AIF1L: variants seen among roughly 807,000 people sequenced by gnomAD.
AIF1L encodes the protein allograft inflammatory factor 1 like.
Under a neutral mutation model 20.7 loss-of-function variants are expected in AIF1L, and 12 were observed. That is an observed-to-expected ratio of 0.58 (90% CI 0.37 to 0.94). The LOEUF is 0.94. Ranked by LOEUF, AIF1L falls within the 40% of genes least tolerant of loss-of-function variation. The pLI is 0.01. For synonymous variants in AIF1L, 76 were observed against 65.1 expected (o/e 1.17, Z -0.81); for missense variants, 173 against 185.3 (o/e 0.93, Z 0.39).
intron 2 of AIF1L, among the ~76,000 whole-genome samples, chr9:131,100,999 G>T (rs778789444): frequency 3.3e-5 from 5 of 152,092 alleles, no homozygotes; most frequent in Non-Finnish European, 5.9e-5. Context: ...CTAAGTTTAC[G>T]CGATTCTTCT....
At chr9:131,113,194 T>C (rs554119275) in intron 3 of AIF1L, among the ~76,000 whole-genome samples, 6 of 150,646 alleles carry the variant, frequency 4.0e-5, no homozygotes, top group African/African-American at 1.5e-4. Context: ...GGGGAGGGGG[T>C]GCAATTTTGA....
chr9:131,117,193 G>C (rs1028031531), intron 4 of AIF1L, among the ~76,000 whole-genome samples: 3 of 152,198 alleles, frequency 2.0e-5, no homozygotes, highest in Non-Finnish European at 4.4e-5. Flanking sequence ...CTCCCTTCCA[G>C]CCGGGGCAGA....
Position 131,121,259 on chromosome 9 carries a change from C to T in AIF1L, c.*937C>T, listed in dbSNP as rs1831132145. ...ACCTGACTCTGCTTCTCTCATTTGTCTTCCTACCCTACTCACATAATTCAC... is the reference window on the plus strand; with the variant it reads ...ACCTGACTCTGCTTCTCTCATTTGTTTTCCTACCCTACTCACATAATTCAC... On this transcript the variant is annotated 3_prime_UTR_variant, in exon 6 of 6. Transcript: ENST00000247291. 1.6e-6 allele frequency: 1 copy of T among 614,010 alleles called. No individual in the cohort carries two copies. The highest frequency in any genetic ancestry group is 2.1e-5 in the South Asian group (1 of 47,738). The allele number at this position is 614,010 out of a possible 1,614,324, so 38.0% of individuals were successfully genotyped here. A position where few individuals can be genotyped will look rare whatever the true frequency, so the allele number is the denominator to read the frequency against.
chr9:131,123,078 T>C lies in AIF1L; in HGVS notation c.*2756T>C, dbSNP rs1331473204. 6.6e-6 allele frequency: 1 copy of C among 152,442 alleles called. No homozygotes were observed. The highest frequency in any genetic ancestry group is 1.5e-5 in the Non-Finnish European group (1 of 68,116). The allele number at this position is 152,442 out of a possible 1,614,324, so 9.4% of individuals were successfully genotyped here. A position where few individuals can be genotyped will look rare whatever the true frequency, so the allele number is the denominator to read the frequency against. ...CAGGTGGATGAAGTATGTGTGTGCG[T>C]GTGCATGGGAGTGTGCGTGGACTGG... On this transcript the variant is annotated 3_prime_UTR_variant, in exon 6 of 6. Coordinates refer to ENST00000247291, the MANE Select transcript of AIF1L (RefSeq NM_031426.4).
rs759755280 is a variant in AIF1L at position 131,117,921 on chromosome 9, G to A, written c.365+3G>A. On this transcript the variant is annotated splice_donor_region_variant and intron_variant, in intron 5 of 5. Coordinates refer to ENST00000247291, the MANE Select transcript of AIF1L (RefSeq NM_031426.4). ...AAACGGTCGGCTGTCCTCAAGTTGT[G>A]AGTACCTCCTTCCTCCCTTGGGATC... is the stretch of plus-strand genomic sequence containing the variant. The A allele has an allele frequency of 6.2e-7, 1 of 1,606,588 alleles. No individual in the cohort carries two copies. The highest frequency in any genetic ancestry group is 8.5e-7 in the Non-Finnish European group (1 of 1,176,050).
chr9:131,103,601 G>A lies in AIF1L; in HGVS notation c.93+6738G>A, dbSNP rs991849180. On this transcript the variant is annotated intron_variant, in intron 2 of 5. Coordinates refer to ENST00000247291, the MANE Select transcript of AIF1L (RefSeq NM_031426.4). The stretch of plus-strand genomic sequence containing the variant: ...TGAGGCTGCAGTGATCCTGCAGATC[G>A]TGCCACTGCACTTTAGGCTTGGGAA... Among the ~76,000 whole-genome samples, 6 of 152,206 alleles carry A rather than the reference G, an allele frequency of 3.9e-5. No individual in the cohort carries two copies. The East Asian group carries it at 9.6e-4, about 24-fold the overall frequency.
intron 2 of AIF1L, among the ~76,000 whole-genome samples, chr9:131,109,536 G>A (rs1830829684): frequency 6.6e-6 from 1 of 152,084 alleles, no homozygotes; most frequent in African/African-American, 2.4e-5. Context: ...TCCAGCCTGG[G>A]TGACAAGAGC....
intron 5 of AIF1L, 60 bp downstream of exon 5, chr9:131,117,978 C>T (rs1357714612): frequency 6.6e-7 from 1 of 1,504,108 alleles, no homozygotes; most frequent in East Asian, 2.4e-5. Flanking sequence ...TGCAGAGAGG[C>T]CCCTGGCTCT....
In AIF1L at chr9:131,121,319, C is replaced by A; in HGVS notation, c.*997C>A. ...CACTCATTCACCAGATATTTATTGA[C>A]CTGCTATTATAAGCTTTACATCCTC... On this transcript the variant is annotated 3_prime_UTR_variant, in exon 6 of 6. Coordinates refer to ENST00000247291, the MANE Select transcript of AIF1L (RefSeq NM_031426.4). 3.5e-6 allele frequency: 2 copies of A among 566,626 alleles called. No homozygotes were observed. The highest frequency in any genetic ancestry group is 3.2e-6 in the Non-Finnish European group (1 of 313,288). 35.1% of individuals were successfully genotyped at this position (566,626 alleles called of 1,614,324 possible).
chr9:131,097,455 C>T (rs1830554018), intron 2 of AIF1L, among the ~76,000 whole-genome samples: 1 of 152,186 alleles, frequency 6.6e-6, no homozygotes, highest in South Asian at 2.1e-4. Flanking sequence ...GATCCTGGCA[C>T]TTCCCCGTGG....
At position 131,099,916 on chromosome 9, in the gene AIF1L, A is replaced by G. The variant is rs148938976; in HGVS notation, c.93+3053A>G. Among the ~76,000 whole-genome samples the G allele has an allele frequency of 9.0e-4, 137 of 152,006 alleles. No individual in the cohort carries two copies. In the East Asian group the frequency reaches 0.023, roughly 26 times the overall value. On this transcript the variant is annotated intron_variant, in intron 2 of 5. Coordinates refer to ENST00000247291, the MANE Select transcript of AIF1L (RefSeq NM_031426.4). ...TAATCTTTGTGTTTTTAGTAGAGAC[A>G]GGGTTTCACCGTGTTGGTCAGGCTG... is the stretch of plus-strand genomic sequence containing the variant.
At chr9:131,111,781 A>G in intron 3 of AIF1L, 118 bp downstream of exon 3, 1 of 1,045,142 alleles carries the variant, frequency 9.6e-7, no homozygotes, top group South Asian at 1.4e-5. Context: ...TTTGTCCAGA[A>G]TGCCCTTCTT....
chr9:131,116,105 C>T (rs1056741884), intron 4 of AIF1L, among the ~76,000 whole-genome samples: 1 of 151,962 alleles, frequency 6.6e-6, no homozygotes, highest in Non-Finnish European at 1.5e-5. Flanking sequence ...GTAACTGCTA[C>T]AAACATTTCC....
intron 2 of AIF1L, among the ~76,000 whole-genome samples, chr9:131,099,067 CCT>C (rs1830585742): frequency 6.6e-6 from 1 of 152,202 alleles, no homozygotes; most frequent in Non-Finnish European, 1.5e-5. Flanking sequence ...AAGCCACTCA[CCT>C]CTCTGAGCCT....
intron 2 of AIF1L, among the ~76,000 whole-genome samples, chr9:131,104,344 C>T (rs559017536): frequency 4.1e-4 from 62 of 152,324 alleles, no homozygotes; most frequent in South Asian, 4.1e-4. Flanking sequence ...GAATAAACCA[C>T]CTACCCCCAC....
At chr9:131,108,023 T>C (rs576394655) in intron 2 of AIF1L, 2 of 152,222 alleles carry the variant, frequency 1.3e-5, no homozygotes, top group African/African-American at 2.4e-5. Flanking sequence ...CAGCGTCAGC[T>C]AAGTGGAGGC....
At chr9:131,099,402 G>A (rs1457339971) in intron 2 of AIF1L, among the ~76,000 whole-genome samples, 2 of 152,236 alleles carry the variant, frequency 1.3e-5, no homozygotes, top group Non-Finnish European at 2.9e-5. Context: ...GTTCACCCAC[G>A]GCCATGGGGG....
chr9:131,107,307 T>G (rs1216646770), intron 2 of AIF1L, among the ~76,000 whole-genome samples: 3 of 152,208 alleles, frequency 2.0e-5, no homozygotes, highest in Non-Finnish European at 4.4e-5. Context: ...TGTGTCTGTC[T>G]GTGTGCAATT....
chr9:131,114,984 G>A lies in AIF1L; in HGVS notation c.202+366G>A, dbSNP rs187325664. On this transcript the variant is annotated intron_variant, in intron 4 of 5. Transcript: ENST00000247291. ...TCTGTCTTTCCATTGTATGTCATTC[G>A]GCAGTTGACAAGTTGCTTTTATATA... is the stretch of plus-strand genomic sequence containing the variant. 5.9e-5 allele frequency among the ~76,000 whole-genome samples: 9 copies of A among 152,258 alleles called. No homozygotes were observed. In the East Asian group the frequency reaches 1.4e-3, roughly 23 times the overall value.
Sources: gnomAD v4.1 joint callset for allele counts (sites outside exome capture counted in the v4.1 genomes callset) on GRCh38, gnomAD v4.1.1 for gene constraint, MANE v1.5 for transcripts, NCBI Gene and HGNC (gene_info 2026-07-23, HGNC 2026-07-21) for gene names.